GBP7: variants seen among roughly 807,000 people sequenced by gnomAD.
The protein encoded by GBP7 is guanylate binding protein 7.
Under a neutral mutation model 61.3 loss-of-function variants are expected in GBP7, and 43 were observed. The ratio of observed to expected loss-of-function variants is 0.70; its 90% CI spans 0.55 to 0.91. The LOEUF is 0.91. GBP7 is among the 40% of genes least tolerant of loss of function. The pLI, the probability that GBP7 is intolerant of heterozygous loss-of-function variation, is 0.00. For missense variants in GBP7, 717 were observed against 740.5 expected, an observed-to-expected ratio of 0.97 and a Z score of 0.37; for synonymous variants, 267 against 271.0, an observed-to-expected ratio of 0.99 and a Z score of 0.14.
At chr1:89,146,867 A>G (rs1682079717) in intron 8 of GBP7, among the ~76,000 whole-genome samples, 1 of 152,222 alleles carries the variant, frequency 6.6e-6, no homozygotes, top group African/African-American at 2.4e-5. Context: ...GTAAATTAGT[A>G]TAGTCATCAT....
At chr1:89,173,868 C>G (rs1254571224) in intron 1 of GBP7, among the ~76,000 whole-genome samples, 2 of 152,142 alleles carry the variant, frequency 1.3e-5, no homozygotes, top group Non-Finnish European at 2.9e-5. Context: ...CTTACCACTC[C>G]ACTCACATTG....
rs751857899 is a variant in GBP7 at position 89,149,519 on chromosome 1, G to A, written c.925C>T (p.Pro309Ser). 11 of 1,614,156 alleles carry A rather than the reference G, an allele frequency of 6.8e-6. No homozygotes were observed. The South Asian group carries it at 9.9e-5, about 14-fold the overall frequency. Residue 309 changes from proline to serine, a missense_variant, in exon 7 of 11, where the codon CCT becomes TCT. Coordinates refer to ENST00000294671, the MANE Select transcript of GBP7 (RefSeq NM_207398.3). ...ACTGCCATTGCATTCTCCAGACAAG[G>A]AGTCGCTCCACTGTTGATGGCATCC... ...YLDAINSGAT[P>S]CLENAMAVLA...
chr1:89,167,787 A>G (rs1032747471), intron 2 of GBP7, among the ~76,000 whole-genome samples: 2 of 152,244 alleles, frequency 1.3e-5, no homozygotes, highest in South Asian at 4.1e-4. Flanking sequence ...CACCAACTAA[A>G]ATAAATACCC....
intron 9 of GBP7, among the ~76,000 whole-genome samples, chr1:89,140,804 T>C (rs976076942): frequency 2.6e-5 from 4 of 152,198 alleles, no homozygotes; most frequent in Non-Finnish European, 4.4e-5. Flanking sequence ...AACCTAAATG[T>C]TCATCAGTGG....
intron 7 of GBP7, among the ~76,000 whole-genome samples, chr1:89,147,993 G>A (rs1682108617): frequency 1.3e-5 from 2 of 152,166 alleles, no homozygotes; most frequent in South Asian, 4.1e-4. Flanking sequence ...TTCAGCAAAA[G>A]TATGATTAAC....
rs540534029 is a variant in GBP7 at position 89,147,799 on chromosome 1, A to C, written c.1153-20T>G. 127 of 1,612,192 alleles carry C rather than the reference A, an allele frequency of 7.9e-5. No individual in the cohort carries two copies. Among genetic ancestry groups the C allele is most frequent in the Non-Finnish European group, 9.4e-5 (111 of 1,178,968 alleles). On this transcript the variant is annotated intron_variant, in intron 7 of 10. Coordinates refer to ENST00000294671, the MANE Select transcript of GBP7 (RefSeq NM_207398.3). ...GGTGTCCTGCCAGAAAAGTGTAGGGAAAAACAGTAGAAAGAAGCTGTTAGA... is the reference window on the plus strand; with the variant it reads ...GGTGTCCTGCCAGAAAAGTGTAGGGCAAAACAGTAGAAAGAAGCTGTTAGA...
In GBP7 at chr1:89,132,170, A is replaced by G. The variant is rs1249037993; in HGVS notation, c.1896T>C (p.Pro632=). ...AACCTCAGCTTATAATTTTCTTACC[A>G]GGATTTCTCAGCCTATTACATAATG... is the stretch of plus-strand genomic sequence containing the variant. The part of the protein sequence containing the change: ...LSSLCNRLRN[P]GKKIIS The change falls in exon 11 of 11, where the codon CCT becomes CCC. Residue 632 remains proline, a synonymous_variant. Transcript: ENST00000294671. The G allele has an allele frequency of 1.2e-6, 2 of 1,606,026 alleles. No homozygotes were observed. The highest frequency in any genetic ancestry group is 1.7e-6 in the Non-Finnish European group (2 of 1,177,292).
At chr1:89,151,872 G>A (rs569373502) in intron 5 of GBP7, among the ~76,000 whole-genome samples, 9 of 152,080 alleles carry the variant, frequency 5.9e-5, no homozygotes, top group East Asian at 1.9e-4. Context: ...GACTTCTTGC[G>A]ATTCTGTGTT....
intron 2 of GBP7, among the ~76,000 whole-genome samples, chr1:89,166,112 T>C (rs550611819): frequency 6.6e-6 from 1 of 152,266 alleles, no homozygotes; most frequent in South Asian, 2.1e-4. Context: ...TATTTTGTCA[T>C]AGTGGCAGAC....
chr1:89,169,842 T>G (rs909380895), intron 2 of GBP7, among the ~76,000 whole-genome samples: 1 of 152,228 alleles, frequency 6.6e-6, no homozygotes, highest in African/African-American at 2.4e-5. Context: ...AGAACAATAC[T>G]TATAAAAATG....
At chr1:89,137,205 TAGTC>T (rs1357822574) in intron 9 of GBP7, among the ~76,000 whole-genome samples, 4 of 151,984 alleles carry the variant, frequency 2.6e-5, no homozygotes, top group Admixed American at 2.6e-4. Flanking sequence ...GACAGAGTCA[TAGTC>T]AGTTCTGCCA....
intron 9 of GBP7, among the ~76,000 whole-genome samples, chr1:89,140,294 G>A (rs1316769215): frequency 4.4e-5 from 5 of 113,380 alleles, no homozygotes; most frequent in Non-Finnish European, 7.0e-5. Flanking sequence ...CTGTTGTGGG[G>A]TGGGGGGAGG....
At chr1:89,157,606 A>G (rs1682346474) in intron 3 of GBP7, among the ~76,000 whole-genome samples, 1 of 152,224 alleles carries the variant, frequency 6.6e-6, no homozygotes, top group East Asian at 1.9e-4. Flanking sequence ...AAAATCTAGA[A>G]GAAATGGATA....
intron 9 of GBP7, among the ~76,000 whole-genome samples, chr1:89,135,327 A>G (rs1211830364): frequency 6.6e-6 from 1 of 152,148 alleles, no homozygotes; most frequent in Non-Finnish European, 1.5e-5. Context: ...TTGACATTCA[A>G]ATTCGGGAAA....
chr1:89,162,236 G>A (rs186003392), intron 3 of GBP7, among the ~76,000 whole-genome samples: 9 of 151,942 alleles, frequency 5.9e-5, no homozygotes, highest in South Asian at 2.1e-4. Flanking sequence ...TTAGAATTGC[G>A]TTGGCTATTT....
chr1:89,172,419 T>C (rs1374327552), intron 1 of GBP7, among the ~76,000 whole-genome samples: 3 of 152,260 alleles, frequency 2.0e-5, no homozygotes, highest in African/African-American at 7.2e-5. Context: ...TTATTCGTTC[T>C]TTGTCTTTCA....
chr1:89,144,085 G>A (rs1246543973), intron 8 of GBP7, among the ~76,000 whole-genome samples: 2 of 152,076 alleles, frequency 1.3e-5, no homozygotes, highest in Non-Finnish European at 2.9e-5. Flanking sequence ...ATGTACATGT[G>A]TATTCATTGT....
At chr1:89,166,106 T>G (rs185282101) in intron 2 of GBP7, among the ~76,000 whole-genome samples, 1 of 152,252 alleles carries the variant, frequency 6.6e-6, no homozygotes, top group East Asian at 1.9e-4. Context: ...CTAATGTATT[T>G]TGTCATAGTG....
At position 89,174,931 on chromosome 1, in the gene GBP7, G is replaced by C. The variant is rs1468962993; in HGVS notation, c.-20+990C>G. ...GCTTGTTTTTTGTCTGATCTCTGCT[G>C]TATAGAGAGTAGCATATGCACAATT... is the stretch of plus-strand genomic sequence containing the variant. On this transcript the variant is annotated intron_variant, in intron 1 of 10. Transcript: ENST00000294671. Among the ~76,000 whole-genome samples, 3 of 152,182 alleles carry C rather than the reference G, an allele frequency of 2.0e-5. No homozygotes were observed. The East Asian group carries it at 5.8e-4, about 29-fold the overall frequency.
Sources: allele counts gnomAD v4.1 joint callset (sites outside exome capture counted in the v4.1 genomes callset), GRCh38; gene constraint gnomAD v4.1.1; transcripts MANE v1.5; gene names NCBI Gene and HGNC (gene_info 2026-07-23, HGNC 2026-07-21).